The following PNLIPRP3 variants were observed in gnomAD, a reference collection of about 807,000 sequenced individuals.
PNLIPRP3 encodes the protein pancreatic lipase related protein 3.
A neutral mutation model predicts 52.8 loss-of-function variants in PNLIPRP3; 58 were observed. The observed-to-expected ratio is 1.10, with a 90% CI of 0.89 to 1.37. The LOEUF is 1.37. Ranked by LOEUF, PNLIPRP3 falls within the 40% of genes most tolerant of loss-of-function variation. PNLIPRP3 has a pLI of 0.00. For synonymous variants in PNLIPRP3, 192 were observed against 185.0 expected, an observed-to-expected ratio of 1.04 and a Z score of -0.31; for missense variants, 593 against 561.6, an observed-to-expected ratio of 1.06 and a Z score of -0.57.
chr10:116,448,186 A>G (rs1845983265), intron 4 of PNLIPRP3, among the ~76,000 whole-genome samples: 1 of 152,174 alleles, frequency 6.6e-6, no homozygotes, highest in Non-Finnish European at 1.5e-5. Context: ...TATAAAAGTT[A>G]AAAGACAAAA....
At chr10:116,475,354 G>A (rs1427764897) in intron 10 of PNLIPRP3, among the ~76,000 whole-genome samples, 1 of 152,206 alleles carries the variant, frequency 6.6e-6, no homozygotes, top group East Asian at 1.9e-4. Context: ...ATGTCTGGGT[G>A]ATGAAGTAAT....
chr10:116,469,213 G>T lies in PNLIPRP3; in HGVS notation c.956G>T (p.Gly319Val). The change falls in exon 9 of 12, where the codon GGT (glycine) becomes GTT (valine). Residue 319 changes from glycine to valine, a missense_variant. Physicochemically the swap from Gly to Val is moderately radical, Grantham distance 109. Transcript: ENST00000369230. ...AGNCFFCSKEGCPTMGHFADR... is the reference protein window; with the variant it reads ...AGNCFFCSKEVCPTMGHFADR... ...AATTGCTTCTTTTGTTCCAAAGAAGGTTGCCCAACAATGGGTCATTTTGCT... is the reference window on the plus strand; with the variant it reads ...AATTGCTTCTTTTGTTCCAAAGAAGTTTGCCCAACAATGGGTCATTTTGCT... 6.2e-7 allele frequency: 1 copy of T among 1,611,908 alleles called. No homozygotes were observed.
At chr10:116,443,799 G>GTGTA (rs1261263796) in intron 3 of PNLIPRP3, among the ~76,000 whole-genome samples, 7 of 7,696 alleles carry the variant, frequency 9.1e-4, no homozygotes, top group African/African-American at 1.2e-3. Flanking sequence ...GTATGTGTGT[G>GTGTA]TGCATATATA....
At chr10:116,459,140 C>T (rs913761361) in intron 5 of PNLIPRP3, among the ~76,000 whole-genome samples, 4 of 152,100 alleles carry the variant, frequency 2.6e-5, no homozygotes, top group Non-Finnish European at 4.4e-5. Context: ...TTGACTCCCT[C>T]TCTCCAGGCT....
chr10:116,431,981 C>G lies in PNLIPRP3; in HGVS notation c.49+3920C>G, dbSNP rs182477053. Among the ~76,000 whole-genome samples, 7 of 152,290 alleles carry G rather than the reference C, an allele frequency of 4.6e-5. No individual in the cohort carries two copies. The East Asian group carries it at 1.4e-3, about 29-fold the overall frequency. ...TATTTAAACTGCAAACCCCTCCTCACCTAAACACACAAACACCCTCATCCC... is the reference window on the plus strand; with the variant it reads ...TATTTAAACTGCAAACCCCTCCTCAGCTAAACACACAAACACCCTCATCCC... On this transcript the variant is annotated intron_variant, in intron 1 of 11. Transcript: ENST00000369230.
intron 4 of PNLIPRP3, among the ~76,000 whole-genome samples, chr10:116,446,196 A>C (rs986596439): frequency 2.0e-5 from 3 of 151,962 alleles, no homozygotes; most frequent in Admixed American, 6.6e-5. Context: ...AATACAAAAA[A>C]TTAGCTGGGT....
chr10:116,440,973 A>G (rs1443845177), intron 2 of PNLIPRP3, among the ~76,000 whole-genome samples: 1 of 152,182 alleles, frequency 6.6e-6, no homozygotes, highest in African/African-American at 2.4e-5. Flanking sequence ...AAGAATGCTA[A>G]AAGGCCCAGA....
At chr10:116,438,987 G>A (rs531740098) in intron 2 of PNLIPRP3, among the ~76,000 whole-genome samples, 5 of 152,118 alleles carry the variant, frequency 3.3e-5, no homozygotes, top group African/African-American at 1.2e-4. Flanking sequence ...GACACAAAAG[G>A]ACAAATAATC....
intron 1 of PNLIPRP3, among the ~76,000 whole-genome samples, chr10:116,429,360 G>A (rs57823536): frequency 0.071 from 10,842 of 152,186 alleles, 541 homozygotes; most frequent in East Asian, 0.17. Flanking sequence ...GGTCCCAAGC[G>A]TTTTGGATAA....
At chr10:116,472,795 C>T (rs143804475) in intron 10 of PNLIPRP3, among the ~76,000 whole-genome samples, 1 of 152,180 alleles carries the variant, frequency 6.6e-6, no homozygotes, top group Non-Finnish European at 1.5e-5. Flanking sequence ...TTCAGTTCAG[C>T]GAGGCTACAC....
At chr10:116,455,651 A>AT in intron 4 of PNLIPRP3, 71 bp from the exon 5 acceptor site, 1 of 1,028,020 alleles carries the variant, frequency 9.7e-7, no homozygotes, top group Non-Finnish European at 1.4e-6. Context: ...TTTTTTTTCT[A>AT]TTTTTAAAGC....
At chr10:116,473,938 C>T (rs1228691480) in intron 10 of PNLIPRP3, among the ~76,000 whole-genome samples, 1 of 86,654 alleles carries the variant, frequency 1.2e-5, no homozygotes, top group Non-Finnish European at 2.2e-5. Context: ...TTTTAAAATT[C>T]ATATGGAACC....
chr10:116,449,738 A>G (rs1364573270), intron 4 of PNLIPRP3, among the ~76,000 whole-genome samples: 6 of 152,190 alleles, frequency 3.9e-5, no homozygotes, highest in Admixed American at 2.6e-4. Context: ...CAGCAACACT[A>G]TAGACCAAAT....
intron 7 of PNLIPRP3, among the ~76,000 whole-genome samples, chr10:116,465,460 C>T (rs940082790): frequency 2.0e-5 from 3 of 151,670 alleles, no homozygotes; most frequent in East Asian, 1.9e-4. Context: ...GCGTGAACCC[C>T]GGAGGTGGAG....
chr10:116,438,613 G>C (rs1045406307), intron 2 of PNLIPRP3, among the ~76,000 whole-genome samples: 1 of 152,150 alleles, frequency 6.6e-6, no homozygotes, highest in Admixed American at 6.5e-5. Flanking sequence ...ATCATGTGTA[G>C]TTAAACCAGA....
intron 5 of PNLIPRP3, among the ~76,000 whole-genome samples, chr10:116,456,163 G>C (rs1305301560): frequency 1.3e-5 from 2 of 152,180 alleles, no homozygotes; most frequent in African/African-American, 4.8e-5. Context: ...CGTAGGAGTA[G>C]AATGGTGGTT....
chr10:116,437,477 C>A (rs1420583236), intron 2 of PNLIPRP3, among the ~76,000 whole-genome samples: 2 of 152,096 alleles, frequency 1.3e-5, no homozygotes, highest in African/African-American at 4.8e-5. Flanking sequence ...AAACCACAGG[C>A]CTGTCTGATG....
chr10:116,447,734 G>A (rs948215807), intron 4 of PNLIPRP3, among the ~76,000 whole-genome samples: 3 of 152,108 alleles, frequency 2.0e-5, no homozygotes, highest in East Asian at 1.9e-4. Context: ...TCAGGAAGTC[G>A]AGACCAACCT....
intron 7 of PNLIPRP3, among the ~76,000 whole-genome samples, chr10:116,463,948 C>A (rs1846237531): frequency 1.3e-5 from 2 of 151,486 alleles, no homozygotes; most frequent in African/African-American, 4.9e-5. Flanking sequence ...TCAAGACCAG[C>A]CTGGGCACAA....
Sources: allele counts gnomAD v4.1 joint callset (sites outside exome capture counted in the v4.1 genomes callset), GRCh38; gene constraint gnomAD v4.1.1; transcripts MANE v1.5; gene names NCBI Gene and HGNC (gene_info 2026-07-23, HGNC 2026-07-21).